ZNF534: variants seen among roughly 807,000 people sequenced by gnomAD.
ZNF534 encodes zinc finger protein 534, also known as KRAB domain only 3.
ZNF534 carries 19 observed loss-of-function variants against 13.6 expected under a neutral mutation model. That is an observed-to-expected ratio of 1.40 (90% confidence interval 0.97 to 2.05). ZNF534 has a LOEUF of 2.05. ZNF534 is among the 30% of genes most tolerant of loss of function. The pLI is 0.00. For missense variants in ZNF534, 782 were observed against 796.3 expected, an observed-to-expected ratio of 0.98 and a Z score of 0.22; for synonymous variants, 244 against 273.8, an observed-to-expected ratio of 0.89 and a Z score of 1.07.
At chr19:52,442,683 T>C (rs777125404), downstream of ZNF534, among the ~76,000 whole-genome samples, 1 of 152,242 alleles carries the variant, frequency 6.6e-6, no homozygotes, top group Non-Finnish European at 1.5e-5. Context: ...TCTTGACATA[T>C]ACCTCCTCCT....
chr19:52,451,315 C>T (rs1441119906), exon 5 of ZNF534: 1 of 1,155,232 alleles, frequency 8.7e-7, no homozygotes, highest in South Asian at 1.3e-5. Flanking sequence ...GCCCCTCGCT[C>T]TGCTACCATT....
At chr19:52,434,480 AAAAAAAG>A (rs1223723253) in intron 3 of ZNF534, among the ~76,000 whole-genome samples, 1 of 151,354 alleles carries the variant, frequency 6.6e-6, no homozygotes, top group Non-Finnish European at 1.5e-5. Context: ...AAAAAAAAAA[AAAAAAAG>A]AAATGAAAAG....
chr19:52,433,454 A>G (rs1339153960), intron 2 of ZNF534, among the ~76,000 whole-genome samples: 2 of 151,388 alleles, frequency 1.3e-5, no homozygotes, highest in Non-Finnish European at 2.9e-5. Context: ...GCAATGTCCC[A>G]CTCCTGGGTT....
rs1337213561 is a variant in ZNF534 at position 52,438,851 on chromosome 19, A to T, written c.1391A>T (p.Lys464Met). 6.2e-7 allele frequency: 1 copy of T among 1,611,818 alleles called. No individual in the cohort carries two copies. Among genetic ancestry groups the T allele is most frequent in the African/African-American group, 1.3e-5 (1 of 74,858 alleles). ...CACTGTAGAATTCATACTGGAGAGA[A>T]GCCTTACAAATGTAACGAATGTGGC... ...TYHCRIHTGE[K>M]PYKCNECGKV... is the part of the protein sequence containing the mutation. Residue 464 changes from lysine (K) to methionine (M), a missense_variant, in exon 5 of 5, where the codon AAG becomes ATG. Physicochemically the swap from Lys to Met is moderately conservative, Grantham distance 95. Transcript: ENST00000433050.
At chr19:52,434,710 A>G (rs1239374106) in intron 3 of ZNF534, among the ~76,000 whole-genome samples, 1 of 150,228 alleles carries the variant, frequency 6.7e-6, no homozygotes, top group Non-Finnish European at 1.5e-5. Flanking sequence ...AAGCCTGGGC[A>G]ACAGAGTGAG....
chr19:52,439,072 G>A lies in ZNF534; in HGVS notation c.1612G>A (p.Val538Met). 2 of 1,593,232 alleles carry A rather than the reference G, an allele frequency of 1.3e-6. No individual in the cohort carries two copies. The highest frequency in any genetic ancestry group is 1.7e-6 in the Non-Finnish European group (2 of 1,169,412). The change falls in exon 5 of 5, where the codon GTG becomes ATG. Residue 538 changes from valine to methionine, a missense_variant. This residue lies in a region of ZNF534 where 591 missense variants were observed against 574.0 expected (regional missense o/e 1.03). Coordinates refer to ENST00000433050, the MANE Select transcript of ZNF534 (RefSeq NM_001143938.3). ...GGTCTTCCGTCGGAATTCACACCTTGTGCGACATAGGAATGTTCATACTGG... is the reference window on the plus strand; with the variant it reads ...GGTCTTCCGTCGGAATTCACACCTTATGCGACATAGGAATGTTCATACTGG... The part of the protein sequence containing the change: ...GKVFRRNSHL[V>M]RHRNVHTGEK...
rs139622411 is a variant in ZNF534, at chr19:52,440,117, T to C, written c.*671T>C. Among the ~76,000 whole-genome samples the C allele has an allele frequency of 6.6e-6, 1 of 152,268 alleles. No individual in the cohort carries two copies. The highest frequency in any genetic ancestry group is 1.5e-5 in the Non-Finnish European group (1 of 68,034). On this transcript the variant is annotated 3_prime_UTR_variant, in exon 5 of 5. Transcript: ENST00000433050. ...TGAAGCCTCACAAAAGTAATAAATA[T>C]GGCAAAGAATTTCATATGAAATCAT...
downstream of ZNF534, among the ~76,000 whole-genome samples, chr19:52,442,722 A>G (rs529074705): frequency 3.5e-4 from 54 of 152,378 alleles, no homozygotes; most frequent in African/African-American, 1.1e-3. Context: ...TCTCTGGGAA[A>G]GAATCAAGTG....
At chr19:52,434,913 C>CG (rs141998046) in intron 3 of ZNF534, among the ~76,000 whole-genome samples, 168 bp from the exon 4 acceptor site, 1,556 of 152,216 alleles carry the variant, frequency 0.01, 29 homozygotes, top group African/African-American at 0.036. Flanking sequence ...GGGGGCTTGA[C>CG]GTCTACATGT....
intron 1 of ZNF534, among the ~76,000 whole-genome samples, chr19:52,429,718 C>T (rs1456256882): frequency 6.6e-6 from 1 of 151,878 alleles, no homozygotes; most frequent in Non-Finnish European, 1.5e-5. Context: ...GCCTGGGCCT[C>T]CCGAGTAGCT....
intron 3 of ZNF534, 157 bp downstream of exon 3, chr19:52,434,238 G>A (rs1599861097): frequency 4.6e-6 from 5 of 1,088,772 alleles, no homozygotes; most frequent in Admixed American, 2.9e-5. Context: ...GCTCACGCCT[G>A]TAATCCCAGC....
chr19:52,444,001 A>G (rs2059185608), downstream of ZNF534, among the ~76,000 whole-genome samples: 1 of 152,012 alleles, frequency 6.6e-6, no homozygotes, highest in Non-Finnish European at 1.5e-5. Context: ...TTTTTCAGGT[A>G]AATCAGGGAT....
Position 52,438,524 on chromosome 19 carries a change from A to G in ZNF534, c.1064A>G (p.Lys355Arg), listed in dbSNP as rs918999856. The stretch of plus-strand genomic sequence containing the variant: ...GTTCATACTGGAGAGAGACCATACA[A>G]ATGTAATGAATGTGGCAAGGGGTTT... ...QTVHTGERPYKCNECGKGFSR... is the reference protein window; with the variant it reads ...QTVHTGERPYRCNECGKGFSR... The change falls in exon 5 of 5, where the codon AAA becomes AGA. Residue 355 changes from lysine (K) to arginine (R), a missense_variant. Transcript: ENST00000433050. The G allele has an allele frequency of 6.3e-7, 1 of 1,583,676 alleles. No individual in the cohort carries two copies. Among genetic ancestry groups the G allele is most frequent in the Non-Finnish European group, 8.6e-7 (1 of 1,164,118 alleles).
Position 52,435,933 on chromosome 19 carries a change from C to CTT in ZNF534, c.271+725_271+726dup, listed in dbSNP as rs1289517628. ...CATTGATGTTTTTCTTATTTTTCTT[C>CTT]TTCTTCTTTTTTTTTTTTTTTTTGA... On this transcript the variant is annotated intron_variant, in intron 4 of 4. Coordinates refer to ENST00000433050, the MANE Select transcript of ZNF534 (RefSeq NM_001143938.3). 7.4e-4 allele frequency among the ~76,000 whole-genome samples: 13 copies of CTT among 17,562 alleles called. No individual in the cohort carries two copies. In the East Asian group the frequency reaches 9.4e-3, roughly 13 times the overall value. The allele number at this position is 17,562 out of a possible 152,430, so 11.5% of individuals were successfully genotyped here.
chr19:52,451,876 A>G (rs776902563), exon 5 of ZNF534: 52 of 706,030 alleles, frequency 7.4e-5, no homozygotes, highest in Non-Finnish European at 1.2e-4. Flanking sequence ...CCAGAAATAG[A>G]AGAAGTTCAA....
chr19:52,433,492 G>C (rs770515522), intron 2 of ZNF534, among the ~76,000 whole-genome samples: 2 of 151,908 alleles, frequency 1.3e-5, no homozygotes, highest in Non-Finnish European at 2.9e-5. Context: ...TCAGCCTCCT[G>C]AGTAGCTGGG....
chr19:52,445,196 A>ATTT (rs1568448900), downstream of ZNF534, among the ~76,000 whole-genome samples: 26 of 40,488 alleles, frequency 6.4e-4, no homozygotes, highest in African/African-American at 1.5e-3. Flanking sequence ...TCACTCAGCT[A>ATTT]ATTTTTTTTT....
At chr19:52,431,275 C>A in intron 1 of ZNF534, 133 bp from the exon 2 acceptor site, 1 of 672,924 alleles carries the variant, frequency 1.5e-6, no homozygotes, top group Non-Finnish European at 2.5e-6. Context: ...TGTTGATTTT[C>A]CTGTGGGAGA....
At chr19:52,437,205 G>T (rs2059133872) in intron 4 of ZNF534, among the ~76,000 whole-genome samples, 1 of 152,084 alleles carries the variant, frequency 6.6e-6, no homozygotes, top group Non-Finnish European at 1.5e-5. Flanking sequence ...TCTTGTATTT[G>T]TCAGCTTATA....
Sources: gnomAD v4.1 joint callset for allele counts (sites outside exome capture counted in the v4.1 genomes callset) on GRCh38, gnomAD v4.1.1 for gene constraint, gnomAD v4.1.1 regional missense constraint, MANE v1.5 for transcripts, NCBI Gene and HGNC (gene_info 2026-07-23, HGNC 2026-07-21) for gene names.